The following CNBD1 variants were observed in gnomAD, a reference collection of about 807,000 sequenced individuals.
CNBD1 encodes cyclic nucleotide binding domain containing 1, also known as cyclic nucleotide-binding domain-containing protein 1.
A neutral mutation model predicts 54.4 loss-of-function variants in CNBD1; 71 were observed. That is an observed-to-expected ratio of 1.30 (90% CI 1.08 to 1.59). CNBD1 has a LOEUF of 1.59. Ranked by LOEUF, CNBD1 falls within the 40% of genes most tolerant of loss-of-function variation. The pLI is 0.00. For synonymous variants in CNBD1, 182 were observed against 170.7 expected (o/e 1.07, Z -0.51); for missense variants, 659 against 518.0 (o/e 1.27, Z -2.64).
intron 2 of CNBD1, among the ~76,000 whole-genome samples, chr8:87,388,681 A>G (rs1329016002): frequency 1.3e-5 from 2 of 152,212 alleles, no homozygotes; most frequent in Non-Finnish European, 2.9e-5. Flanking sequence ...TACAAGGAGG[A>G]GCTGGTACCA....
chr8:87,319,819 T>C (rs1487713458), intron 8 of CNBD1, among the ~76,000 whole-genome samples: 1 of 152,052 alleles, frequency 6.6e-6, no homozygotes, highest in Non-Finnish European at 1.5e-5. Context: ...CTCATAAATG[T>C]TCATTTTATG....
At chr8:87,180,474 TAAAAC>T (rs1228974267) in intron 4 of CNBD1, among the ~76,000 whole-genome samples, 2 of 152,184 alleles carry the variant, frequency 1.3e-5, no homozygotes, top group Admixed American at 6.5e-5. Context: ...TAACTTTAGA[TAAAAC>T]AATATATCAT....
downstream of CNBD1, among the ~76,000 whole-genome samples, chr8:87,383,506 T>C (rs1486724130): frequency 6.6e-6 from 1 of 152,100 alleles, no homozygotes; most frequent in Non-Finnish European, 1.5e-5. Flanking sequence ...AAATATAGAG[T>C]CAATGTTAAA....
chr8:87,352,337 G>A (rs1810316867), intron 9 of CNBD1, among the ~76,000 whole-genome samples: 1 of 151,976 alleles, frequency 6.6e-6, no homozygotes, highest in African/African-American at 2.4e-5. Flanking sequence ...AAAATTAGCT[G>A]GGTGTGGTGG....
intron 1 of CNBD1, among the ~76,000 whole-genome samples, chr8:86,886,678 A>G (rs1437621116): frequency 1.3e-5 from 2 of 152,242 alleles, no homozygotes; most frequent in African/African-American, 4.8e-5. Context: ...CCAATTCTTC[A>G]TAATTAGAAT....
rs956330910 is a variant in CNBD1, at chr8:86,883,172, AC to A, written c.89-4369del. ...CTGCACAACCTGCATGTTCCCTGGA[AC>A]TTAAAAGTTAAAAAAAAAAAATAGA... is the stretch of plus-strand genomic sequence containing the variant. On this transcript the variant is annotated intron_variant, in intron 1 of 10. Transcript: ENST00000518476. Among the ~76,000 whole-genome samples, 110 of 130,956 alleles carry A rather than the reference AC, an allele frequency of 8.4e-4. 1 individual carries two copies. Among genetic ancestry groups the A allele is most frequent in the African/African-American group, 2.5e-3 (87 of 35,176 alleles). 85.9% of individuals were successfully genotyped at this position (130,956 alleles called of 152,430 possible).
At chr8:87,388,761 A>G (rs1040057833) in intron 2 of CNBD1, among the ~76,000 whole-genome samples, 3 of 152,200 alleles carry the variant, frequency 2.0e-5, no homozygotes, top group African/African-American at 4.8e-5. Flanking sequence ...TGAGGCCTAC[A>G]TTATCCTGAT....
At chr8:87,115,641 G>C (rs1445793157) in intron 4 of CNBD1, among the ~76,000 whole-genome samples, 1 of 152,158 alleles carries the variant, frequency 6.6e-6, no homozygotes, top group Non-Finnish European at 1.5e-5. Context: ...TAGTTCTTAA[G>C]GTTGAAGTTC....
chr8:86,902,237 T>C (rs987545552), intron 2 of CNBD1, among the ~76,000 whole-genome samples: 3 of 152,186 alleles, frequency 2.0e-5, no homozygotes, highest in African/African-American at 7.2e-5. Flanking sequence ...AGAGACTGCA[T>C]TTATCTTCAA....
Position 87,090,086 on chromosome 8 carries a change from A to G in CNBD1, c.432-115907A>G, listed in dbSNP as rs570837591. Among the ~76,000 whole-genome samples the G allele has an allele frequency of 7.2e-5, 11 of 152,262 alleles. No individual in the cohort carries two copies. In the East Asian group the frequency reaches 1.9e-3, roughly 27 times the overall value. On this transcript the variant is annotated intron_variant, in intron 4 of 10. Transcript: ENST00000518476. ...CCCTTTCAAAGAATGTAATGTTTCT[A>G]TTTCACTTAATTGCTGTTTAATTAA...
intron 4 of CNBD1, among the ~76,000 whole-genome samples, chr8:87,077,606 C>A (rs1422023928): frequency 6.4e-5 from 9 of 141,144 alleles, no homozygotes; most frequent in Admixed American, 2.2e-4. Context: ...TATGATGTTC[C>A]CCACCCTGTG....
intron 4 of CNBD1, among the ~76,000 whole-genome samples, chr8:87,203,036 C>T (rs1286701840): frequency 2.0e-5 from 3 of 152,308 alleles, no homozygotes; most frequent in Admixed American, 1.3e-4. Flanking sequence ...CAAGGCCAAA[C>T]TGAACCCTGC....
intron 8 of CNBD1, among the ~76,000 whole-genome samples, chr8:87,301,021 C>G (rs966941302): frequency 3.3e-5 from 5 of 152,010 alleles, no homozygotes; most frequent in Non-Finnish European, 7.4e-5. Flanking sequence ...GGAGATATTA[C>G]AACTGACACC....
chr8:86,918,878 A>G (rs1364135094), intron 3 of CNBD1, among the ~76,000 whole-genome samples: 1 of 151,308 alleles, frequency 6.6e-6, no homozygotes, highest in African/African-American at 2.4e-5. Flanking sequence ...CACTGTACCC[A>G]TTACATAGTT....
intron 4 of CNBD1, among the ~76,000 whole-genome samples, chr8:87,113,600 T>G (rs1302003625): frequency 6.6e-6 from 1 of 152,160 alleles, no homozygotes; most frequent in Non-Finnish European, 1.5e-5. Context: ...CACAGAAAGC[T>G]AATTGATATC....
At chr8:86,978,901 A>G (rs1808405383) in intron 4 of CNBD1, among the ~76,000 whole-genome samples, 1 of 152,016 alleles carries the variant, frequency 6.6e-6, no homozygotes, top group South Asian at 2.1e-4. Flanking sequence ...TTTTTTCTGG[A>G]AAAAAGTATA....
intron 10 of CNBD1, among the ~76,000 whole-genome samples, chr8:87,362,090 T>C (rs927625286): frequency 3.3e-5 from 5 of 152,070 alleles, no homozygotes; most frequent in Admixed American, 2.6e-4. Flanking sequence ...TTACTTAAAA[T>C]CTACTTCAAT....
At chr8:87,121,683 C>G (rs983749641) in intron 4 of CNBD1, among the ~76,000 whole-genome samples, 10 of 151,774 alleles carry the variant, frequency 6.6e-5, no homozygotes, top group African/African-American at 2.4e-4. Context: ...TACTCCCAAT[C>G]AGCTCTTGGT....
intron 4 of CNBD1, among the ~76,000 whole-genome samples, chr8:87,099,535 C>T (rs540211460): frequency 6.6e-6 from 1 of 152,100 alleles, no homozygotes; most frequent in Non-Finnish European, 1.5e-5. Flanking sequence ...ATTTGACTGG[C>T]TTCAAAGGCA....
Sources: gnomAD v4.1 joint callset for allele counts (sites outside exome capture counted in the v4.1 genomes callset) on GRCh38, gnomAD v4.1.1 for gene constraint, MANE v1.5 for transcripts, NCBI Gene and HGNC (gene_info 2026-07-23, HGNC 2026-07-21) for gene names.